Variants in PHF7 observed in about 807,000 individuals in gnomAD.
PHF7 encodes the protein E3 ubiquitin-protein ligase PHF7.
In PHF7, 24 loss-of-function variants were observed where a neutral mutation model predicts 47.5. The observed-to-expected ratio is 0.51, with a 90% CI of 0.37 to 0.71. The LOEUF (loss-of-function observed/expected upper bound fraction) is 0.71, where lower values mean the gene tolerates loss of function less well. Ranked by LOEUF, PHF7 falls within the 30% of genes least tolerant of loss-of-function variation. The pLI is 0.00. For missense variants in PHF7, 361 were observed against 456.8 expected (o/e 0.79, Z 1.91); for synonymous variants, 156 against 153.8 (o/e 1.01, Z -0.11).
intron 10 of PHF7, 94 bp from the exon 11 acceptor site, chr3:52,422,991 CCTTTGA>C (rs1705840118): frequency 3.9e-6 from 6 of 1,533,290 alleles, no homozygotes; most frequent in African/African-American, 1.4e-5. Flanking sequence ...ATAGTTGGTG[CCTTTGA>C]CTTTGGAAGG....
In PHF7 at chr3:52,415,806, T is replaced by G. The variant is rs922808067; in HGVS notation, c.186+1219T>G. Among the ~76,000 whole-genome samples the G allele has an allele frequency of 7.2e-5, 11 of 152,262 alleles. 1 individual carries two copies. The highest frequency in any genetic ancestry group is 1.6e-4 in the Non-Finnish European group (11 of 68,046). On this transcript the variant is annotated intron_variant, in intron 4 of 10. Coordinates refer to ENST00000327906, the MANE Select transcript of PHF7 (RefSeq NM_016483.7). ...CCTGTTGATGAACATCTGAATTGTT[T>G]CCATTTGAGGACTATTATGAATAAA...
rs1289035216 is a variant in PHF7 at position 52,410,925 on chromosome 3, C to T, written c.-392C>T. On this transcript the variant is annotated 5_prime_UTR_variant, in exon 1 of 11. Coordinates refer to ENST00000327906, the MANE Select transcript of PHF7 (RefSeq NM_016483.7). ...CTTAAGCCCCTTCTCCGGCTGTTAA[C>T]CTCCGGGGAACGGTTGTGACCACAC... The T allele has an allele frequency of 6.6e-6, 1 of 152,284 alleles. No homozygotes were observed. Among genetic ancestry groups the T allele is most frequent in the East Asian group, 1.9e-4 (1 of 5,200 alleles). The allele number at this position is 152,284 out of a possible 1,614,324, so 9.4% of individuals were successfully genotyped here.
chr3:52,412,185 A>G (rs1705467596), intron 1 of PHF7, among the ~76,000 whole-genome samples: 1 of 150,814 alleles, frequency 6.6e-6, no homozygotes, highest in South Asian at 2.1e-4. Context: ...CTGGGCAACA[A>G]TGAGAGACCC....
chr3:52,413,947 C>T, intron 2 of PHF7, 49 bp from the exon 3 acceptor site: 1 of 1,285,658 alleles, frequency 7.8e-7, no homozygotes, highest in Non-Finnish European at 1.1e-6. Context: ...AAAAGGTTAT[C>T]AACAAGATCC....
Position 52,423,251 on chromosome 3 carries a change from C to T in PHF7, c.1080C>T (p.Gly360=), listed in dbSNP as rs535923876. 4.3e-6 allele frequency: 7 copies of T among 1,614,144 alleles called. No homozygotes were observed. The South Asian group carries it at 6.6e-5, about 15-fold the overall frequency. The change falls in exon 11 of 11, where the codon GGC becomes GGT. Residue 360 remains glycine, a synonymous_variant. Coordinates refer to ENST00000327906, the MANE Select transcript of PHF7 (RefSeq NM_016483.7). The part of the protein sequence containing the change: ...SLLEKPESSR[G]RRSYSWRSKG... ...TAGAAAAGCCAGAGTCCTCTCGTGG[C>T]AGGAGGAGCTACTCCTGGAGGTCCA...
intron 2 of PHF7, among the ~76,000 whole-genome samples, chr3:52,413,691 T>G (rs1400588035): frequency 6.6e-6 from 1 of 152,074 alleles, no homozygotes; most frequent in East Asian, 1.9e-4. Flanking sequence ...AGAAATTAGC[T>G]GGGCGTGGTG....
chr3:52,415,565 G>A (rs1262915019), intron 4 of PHF7, among the ~76,000 whole-genome samples: 1 of 152,146 alleles, frequency 6.6e-6, no homozygotes, highest in Non-Finnish European at 1.5e-5. Context: ...CCCACTAGAC[G>A]TAATCACTGT....
chr3:52,418,109 T>C (rs1322584126), intron 4 of PHF7, among the ~76,000 whole-genome samples: 1 of 152,224 alleles, frequency 6.6e-6, no homozygotes, highest in Admixed American at 6.5e-5. Flanking sequence ...GCATTCTTGG[T>C]ATAAACTCTA....
intron 3 of PHF7, 84 bp downstream of exon 3, chr3:52,414,132 T>G (rs571458546): frequency 2.3e-4 from 197 of 865,016 alleles, no homozygotes; most frequent in Admixed American, 4.1e-4. Context: ...TATACTTGCT[T>G]CTTCTCTCTC....
At chr3:52,422,389 G>A (rs374724320) in intron 9 of PHF7, 51 bp downstream of exon 9, 1 of 1,144,056 alleles carries the variant, frequency 8.7e-7, no homozygotes, top group African/African-American at 1.5e-5. Flanking sequence ...CTATCTTAGA[G>A]TTAGACCTTG....
rs146882589 is a variant in PHF7, at chr3:52,422,742, C to T, written c.798-18C>T. On this transcript the variant is annotated intron_variant, in intron 9 of 10. Transcript: ENST00000327906. ...TGTTCTGTATGTCTCCACAACCCTT[C>T]CTGGGCTCTTCCTCTAGGAGGTGGT... The T allele has an allele frequency of 5.7e-3, 9,131 of 1,613,876 alleles. 71 individuals carry two copies. The highest frequency in any genetic ancestry group is 0.023 in the South Asian group (2,129 of 91,064).
At chr3:52,414,448 A>G in intron 3 of PHF7, 48 bp from the exon 4 acceptor site, 2 of 1,056,490 alleles carry the variant, frequency 1.9e-6, no homozygotes, top group South Asian at 1.3e-5. Flanking sequence ...CTTCTCTTCC[A>G]TTCTTAATGG....
At chr3:52,422,406 T>G in intron 9 of PHF7, 68 bp downstream of exon 9, 1 of 1,002,976 alleles carries the variant, frequency 1.0e-6, no homozygotes. Flanking sequence ...CTTGGCACAG[T>G]TATTAGAAGT....
At chr3:52,414,460 C>G in intron 3 of PHF7, 36 bp from the exon 4 acceptor site, 1 of 1,209,244 alleles carries the variant, frequency 8.3e-7, no homozygotes, top group Non-Finnish European at 1.2e-6. Flanking sequence ...TCTTAATGGT[C>G]AATTTGAGCC....
chr3:52,414,511 T>A lies in PHF7; in HGVS notation c.110T>A (p.Leu37His). The A allele has an allele frequency of 6.2e-7, 1 of 1,611,094 alleles. No individual in the cohort carries two copies. Among genetic ancestry groups the A allele is most frequent in the Non-Finnish European group, 8.5e-7 (1 of 1,177,742 alleles). ...PSSGPVCWLC[L>H]REPGDPEKLG... ...TCTCTTCCAGTTTGCTGGCTATGCC[T>A]TCGAGAACCTGGGGATCCCGAAAAA... Residue 37 changes from leucine to histidine, a missense_variant, in exon 4 of 11, where the codon CTT becomes CAT. By Grantham distance (99) the Leu-to-His change is moderately conservative. Transcript: ENST00000327906.
At chr3:52,421,625 G>T (rs1388396505) in intron 7 of PHF7, 23 bp from the exon 8 acceptor site, 1 of 1,345,722 alleles carries the variant, frequency 7.4e-7, no homozygotes, top group East Asian at 2.3e-5. Flanking sequence ...CAAACACAGA[G>T]CTCTTCCCTG....
intron 4 of PHF7, among the ~76,000 whole-genome samples, chr3:52,416,422 G>A (rs1358420609): frequency 6.6e-6 from 1 of 151,108 alleles, no homozygotes; most frequent in African/African-American, 2.4e-5. Context: ...TTGACCTCGT[G>A]ATCTGCCCAC....
chr3:52,414,356 C>T (rs1705556228), intron 3 of PHF7, 140 bp from the exon 4 acceptor site: 1 of 666,104 alleles, frequency 1.5e-6, no homozygotes, highest in South Asian at 1.8e-5. Context: ...AAGACCTCAT[C>T]CCAACCTTCC....
intron 1 of PHF7, among the ~76,000 whole-genome samples, chr3:52,411,633 A>G (rs895892479): frequency 6.6e-6 from 1 of 152,152 alleles, no homozygotes; most frequent in African/African-American, 2.4e-5. Context: ...CCCTCCTTCT[A>G]AGAAATGCTG....
Sources: allele counts gnomAD v4.1 joint callset (sites outside exome capture counted in the v4.1 genomes callset), GRCh38; gene constraint gnomAD v4.1.1; transcripts MANE v1.5; gene names NCBI Gene and HGNC (gene_info 2026-07-23, HGNC 2026-07-21).